The following MACROD2 variants were observed in gnomAD, a reference collection of about 807,000 sequenced individuals.
MACROD2 encodes the protein ADP-ribose glycohydrolase MACROD2.
In MACROD2, 36 loss-of-function variants were observed where a neutral mutation model predicts 70.4. The observed-to-expected ratio is 0.51, with a 90% confidence interval of 0.39 to 0.68. The LOEUF (loss-of-function observed/expected upper bound fraction) is 0.68. MACROD2 is among the 30% of genes least tolerant of loss of function. MACROD2 has a pLI of 0.00. For missense variants in MACROD2, 496 were observed against 538.4 expected (o/e 0.92, Z 0.78); for synonymous variants, 172 against 178.8 (o/e 0.96, Z 0.30).
At chr20:15,774,985 G>T (rs1259246379) in intron 8 of MACROD2, among the ~76,000 whole-genome samples, 2 of 152,094 alleles carry the variant, frequency 1.3e-5, no homozygotes, top group African/African-American at 4.8e-5. Flanking sequence ...ATTTGGAAAG[G>T]AGAAGTTTGT....
At chr20:15,184,839 C>G (rs2076524007) in intron 5 of MACROD2, among the ~76,000 whole-genome samples, 2 of 152,160 alleles carry the variant, frequency 1.3e-5, no homozygotes, top group African/African-American at 2.4e-5. Flanking sequence ...GCTTGCCCTT[C>G]CATTCAATTA....
chr20:14,093,718 T>C (rs957286946), intron 3 of MACROD2, among the ~76,000 whole-genome samples: 3 of 151,372 alleles, frequency 2.0e-5, no homozygotes, highest in African/African-American at 7.3e-5. Flanking sequence ...GAAAATGTAT[T>C]GAGTGCTTAT....
At chr20:14,759,640 T>C (rs1381540661) in intron 5 of MACROD2, among the ~76,000 whole-genome samples, 1 of 152,124 alleles carries the variant, frequency 6.6e-6, no homozygotes, top group Non-Finnish European at 1.5e-5. Flanking sequence ...CAGAAAATAT[T>C]ATTTTACATC....
intron 4 of MACROD2, among the ~76,000 whole-genome samples, chr20:14,568,881 C>T (rs1269612296): frequency 6.6e-6 from 1 of 151,922 alleles, no homozygotes; most frequent in Non-Finnish European, 1.5e-5. Flanking sequence ...CTGTATCATT[C>T]CTCACTCTCA....
chr20:14,706,157 T>G (rs1460973977), intron 5 of MACROD2, among the ~76,000 whole-genome samples: 1 of 151,854 alleles, frequency 6.6e-6, no homozygotes, highest in Non-Finnish European at 1.5e-5. Context: ...CTACTAAAAA[T>G]ACAAAAATTA....
At chr20:14,196,870 G>A (rs1418623749) in intron 3 of MACROD2, among the ~76,000 whole-genome samples, 1 of 152,234 alleles carries the variant, frequency 6.6e-6, no homozygotes, top group Non-Finnish European at 1.5e-5. Flanking sequence ...ACTGATTTGA[G>A]TTTCCTATCT....
At chr20:14,206,928 A>G (rs1177524560) in intron 3 of MACROD2, among the ~76,000 whole-genome samples, 3 of 152,194 alleles carry the variant, frequency 2.0e-5, no homozygotes, top group Non-Finnish European at 4.4e-5. Flanking sequence ...TGTCGAATTG[A>G]ATCAAAGACA....
At chr20:14,850,237 G>T (rs905318405) in intron 5 of MACROD2, 14 of 225,584 alleles carry the variant, frequency 6.2e-5, no homozygotes, top group Non-Finnish European at 5.4e-5. Context: ...TCAATATATG[G>T]GTGATTAGAA....
chr20:14,561,557 G>C (rs907671424), intron 4 of MACROD2, among the ~76,000 whole-genome samples: 4 of 151,574 alleles, frequency 2.6e-5, no homozygotes, highest in African/African-American at 9.7e-5. Flanking sequence ...GATTCTACAG[G>C]GGTTTTCATT....
At chr20:14,556,311 C>G (rs1355770723) in intron 4 of MACROD2, among the ~76,000 whole-genome samples, 2 of 152,002 alleles carry the variant, frequency 1.3e-5, no homozygotes, top group Non-Finnish European at 2.9e-5. Flanking sequence ...AAGGAAGTCT[C>G]TCAAAGATCA....
chr20:14,747,272 G>A (rs1381448701), intron 5 of MACROD2, among the ~76,000 whole-genome samples: 2 of 152,112 alleles, frequency 1.3e-5, no homozygotes, highest in African/African-American at 4.8e-5. Flanking sequence ...CATCAACAGT[G>A]ACTGTGATTG....
intron 4 of MACROD2, among the ~76,000 whole-genome samples, chr20:14,501,953 T>C (rs192747373): frequency 1.3e-5 from 2 of 152,334 alleles, no homozygotes; most frequent in Non-Finnish European, 2.9e-5. Context: ...ACATAGTAGC[T>C]ATAGTATAAT....
At chr20:15,084,211 T>G (rs967295932) in intron 5 of MACROD2, among the ~76,000 whole-genome samples, 1 of 151,800 alleles carries the variant, frequency 6.6e-6, no homozygotes, top group Non-Finnish European at 1.5e-5. Flanking sequence ...AATTAACAGG[T>G]GTGCATCACC....
intron 4 of MACROD2, among the ~76,000 whole-genome samples, chr20:14,559,942 A>G (rs755121493): frequency 3.6e-4 from 54 of 151,762 alleles, no homozygotes; most frequent in Non-Finnish European, 1.2e-4. Flanking sequence ...TAAGGCTGCA[A>G]TCTGGTCCTT....
At chr20:14,606,004 C>T (rs1458670668) in intron 4 of MACROD2, among the ~76,000 whole-genome samples, 1 of 151,958 alleles carries the variant, frequency 6.6e-6, no homozygotes, top group Non-Finnish European at 1.5e-5. Context: ...CTTGGTTGCT[C>T]TTGTGTATAT....
At chr20:14,009,034 A>G (rs1797862413) in intron 2 of MACROD2, among the ~76,000 whole-genome samples, 1 of 152,218 alleles carries the variant, frequency 6.6e-6, no homozygotes, top group Admixed American at 6.5e-5. Context: ...CAACATACGC[A>G]GTACCATTCA....
intron 3 of MACROD2, among the ~76,000 whole-genome samples, chr20:14,159,310 A>G (rs1385958027): frequency 6.6e-6 from 1 of 152,160 alleles, no homozygotes; most frequent in Non-Finnish European, 1.5e-5. Context: ...GAATTTATAG[A>G]TTGTTTTGGG....
At chr20:14,765,319 G>A (rs1440208625) in intron 5 of MACROD2, among the ~76,000 whole-genome samples, 6 of 152,042 alleles carry the variant, frequency 3.9e-5, no homozygotes, top group African/African-American at 1.5e-4. Flanking sequence ...TATGAGGAGA[G>A]GGCTGAAAGC....
chr20:16,046,754 T>C (rs1601378511), intron 17 of MACROD2, among the ~76,000 whole-genome samples: 2 of 149,452 alleles, frequency 1.3e-5, no homozygotes, highest in East Asian at 4.0e-4. Flanking sequence ...GATCTTGGCT[T>C]ACTGCAAACT....
Sources: allele counts gnomAD v4.1 joint callset (sites outside exome capture counted in the v4.1 genomes callset), GRCh38; gene constraint gnomAD v4.1.1; transcripts MANE v1.5; gene names NCBI Gene and HGNC (gene_info 2026-07-23, HGNC 2026-07-21).